Variants in COL4A3 observed in about 807,000 individuals in gnomAD.
The protein encoded by COL4A3 is collagen type IV alpha 3 chain, also known as collagen alpha-3(IV) chain.
COL4A3 carries 135 observed loss-of-function variants against 217.4 expected under a neutral mutation model. That is an observed-to-expected ratio of 0.62 (90% CI 0.54 to 0.72). The LOEUF (loss-of-function observed/expected upper bound fraction) is 0.72. Among genes scored for constraint, COL4A3 ranks in the 30% least tolerant of loss-of-function variants. COL4A3 has a pLI of 0.00. For synonymous variants in COL4A3, 690 were observed against 736.3 expected, an observed-to-expected ratio of 0.94 and a Z score of 1.02; for missense variants, 1,868 against 2,119.9, an observed-to-expected ratio of 0.88 and a Z score of 2.33.
At position 227,275,869 on chromosome 2, in the gene COL4A3, T is replaced by C. The variant is rs146058308; in HGVS notation, c.1928-516T>C. 7.9e-5 allele frequency among the ~76,000 whole-genome samples: 12 copies of C among 152,258 alleles called. No homozygotes were observed. The East Asian group carries it at 2.3e-3, about 29-fold the overall frequency. On this transcript the variant is annotated intron_variant, in intron 26 of 51. Transcript: ENST00000396578. ...AGTATTCACCAACGTTTAAACTTAATTCCATATTATCAATTTTTTGGAATA... is the reference window on the plus strand; with the variant it reads ...AGTATTCACCAACGTTTAAACTTAACTCCATATTATCAATTTTTTGGAATA...
chr2:227,174,642 G>A (rs1173847285), intron 1 of COL4A3, among the ~76,000 whole-genome samples: 1 of 152,028 alleles, frequency 6.6e-6, no homozygotes, highest in African/African-American at 2.4e-5. Context: ...GAGTAGCTGG[G>A]ATTACAGGCA....
chr2:227,175,045 T>C (rs1200435236), intron 1 of COL4A3, among the ~76,000 whole-genome samples: 2 of 151,920 alleles, frequency 1.3e-5, no homozygotes, highest in Non-Finnish European at 2.9e-5. Flanking sequence ...TTGGTAGAGG[T>C]GGTCAGGGAA....
chr2:227,295,713 T>C (rs1362682113), intron 41 of COL4A3, among the ~76,000 whole-genome samples: 1 of 152,194 alleles, frequency 6.6e-6, no homozygotes, highest in Non-Finnish European at 1.5e-5. Context: ...CACCTGTATC[T>C]TCATAGGTCT....
chr2:227,230,260 A>T (rs1490364132), intron 1 of COL4A3, among the ~76,000 whole-genome samples: 1 of 152,198 alleles, frequency 6.6e-6, no homozygotes, highest in Non-Finnish European at 1.5e-5. Flanking sequence ...CAACTGTGAA[A>T]AAGAATGATT....
In COL4A3 at chr2:227,277,518, C is replaced by T; in HGVS notation, c.2090C>T (p.Pro697Leu). 6.2e-7 allele frequency: 1 copy of T among 1,612,470 alleles called. No homozygotes were observed. The highest frequency in any genetic ancestry group is 8.5e-7 in the Non-Finnish European group (1 of 1,179,488). Residue 697 changes from proline to leucine, a missense_variant, in exon 28 of 52, where the codon CCA becomes CTA. Physicochemically the swap from Pro to Leu is moderately conservative, Grantham distance 98. Transcript: ENST00000396578. ...LPGPDGEPGI[P>L]GIGFPGPPGP... ...GGGCCTGATGGTGAACCAGGAATTCCAGGAATTGGATTTCCTGGGCCTCCT... is the reference window on the plus strand; with the variant it reads ...GGGCCTGATGGTGAACCAGGAATTCTAGGAATTGGATTTCCTGGGCCTCCT...
In COL4A3 at chr2:227,314,382, G is replaced by A. The variant is rs1184830276; in HGVS notation, c.*2512G>A. 6.6e-6 allele frequency: 1 copy of A among 152,624 alleles called. No homozygotes were observed. The highest frequency in any genetic ancestry group is 1.5e-5 in the Non-Finnish European group (1 of 68,044). 9.5% of individuals were successfully genotyped at this position (152,624 alleles called of 1,614,324 possible). On this transcript the variant is annotated 3_prime_UTR_variant, in exon 52 of 52. Transcript: ENST00000396578. ...TTCCAGATAACTTAGCTTATGAGTA[G>A]CTTATACAATTATGAAGATTTAATA...
intron 29 of COL4A3, 83 bp from the exon 30 acceptor site, chr2:227,280,344 CTGTGCAACAGGGA>C: frequency 7.4e-7 from 1 of 1,356,846 alleles, no homozygotes; most frequent in Non-Finnish European, 1.1e-6. Context: ...ATGGTAGTGG[CTGTGCAACAGGGA>C]CTTAGAGCCT....
intron 29 of COL4A3, among the ~76,000 whole-genome samples, 192 bp downstream of exon 29, chr2:227,280,082 G>T (rs929753650): frequency 6.6e-6 from 1 of 152,212 alleles, no homozygotes; most frequent in African/African-American, 2.4e-5. Flanking sequence ...TAAGGTGTCA[G>T]AATGCAGATT....
chr2:227,290,630 C>G (rs571765263), intron 36 of COL4A3, 117 bp from the exon 37 acceptor site: 19 of 814,310 alleles, frequency 2.3e-5, no homozygotes, highest in Admixed American at 6.9e-5. Context: ...CTACCTGATG[C>G]AGTTGCAATT....
intron 31 of COL4A3, 109 bp downstream of exon 31, chr2:227,281,115 C>A: frequency 1.3e-6 from 1 of 758,302 alleles, no homozygotes; most frequent in Non-Finnish European, 2.4e-6. Flanking sequence ...GTCCTGACCA[C>A]TGTTCAATGA....
At chr2:227,197,789 A>G (rs535892810) in intron 1 of COL4A3, among the ~76,000 whole-genome samples, 3 of 152,328 alleles carry the variant, frequency 2.0e-5, no homozygotes, top group East Asian at 1.9e-4. Context: ...TGTGCCAGGC[A>G]TGGTGGTGAG....
chr2:227,293,484 C>T lies in COL4A3; in HGVS notation c.3337+167C>T, dbSNP rs1469351315. The stretch of plus-strand genomic sequence containing the variant: ...ACACTAAGAGAATTCATTAAGAGAG[C>T]CCAATTTTACTAATCAGCCCATTTG... On this transcript the variant is annotated intron_variant, in intron 38 of 51. Transcript: ENST00000396578. Among the ~76,000 whole-genome samples the T allele has an allele frequency of 2.0e-5, 3 of 152,154 alleles. No individual in the cohort carries two copies. The East Asian group carries it at 5.8e-4, about 29-fold the overall frequency.
intron 3 of COL4A3, among the ~76,000 whole-genome samples, chr2:227,241,530 C>G (rs1437930764): frequency 6.6e-6 from 1 of 151,906 alleles, no homozygotes; most frequent in Non-Finnish European, 1.5e-5. Context: ...AAAAATTAGC[C>G]AGGTGTGGTG....
intron 25 of COL4A3, among the ~76,000 whole-genome samples, chr2:227,271,172 C>T (rs2071211319): frequency 6.6e-6 from 1 of 152,120 alleles, no homozygotes; most frequent in Non-Finnish European, 1.5e-5. Context: ...AATCAAAATT[C>T]TACATTGATA....
intron 2 of COL4A3, 75 bp from the exon 3 acceptor site, chr2:227,240,068 A>G: frequency 2.5e-6 from 3 of 1,198,548 alleles, no homozygotes; most frequent in Non-Finnish European, 3.6e-6. Flanking sequence ...ACAAGAGAAC[A>G]TAATGGTTAT....
chr2:227,167,560 T>C (rs570017153), intron 1 of COL4A3, among the ~76,000 whole-genome samples: 1 of 152,366 alleles, frequency 6.6e-6, no homozygotes, highest in East Asian at 1.9e-4. Flanking sequence ...TATCATGGTT[T>C]ATCCTTCTTC....
chr2:227,262,854 A>C (rs1012890039), intron 20 of COL4A3, among the ~76,000 whole-genome samples: 2 of 152,204 alleles, frequency 1.3e-5, no homozygotes, highest in Admixed American at 6.5e-5. Flanking sequence ...TAGAAGGAAT[A>C]AATTCTAATG....
At chr2:227,245,630 C>A in intron 5 of COL4A3, 1 of 410,628 alleles carries the variant, frequency 2.4e-6, no homozygotes, top group South Asian at 2.3e-5. Flanking sequence ...AAAATAGTTT[C>A]ATCTGTGCAC....
intron 1 of COL4A3, among the ~76,000 whole-genome samples, chr2:227,199,831 A>AAAAC (rs574104020): frequency 2.1e-4 from 31 of 148,124 alleles, no homozygotes; most frequent in African/African-American, 6.7e-4. Context: ...TAAAAATGTA[A>AAAAC]AAACAAACAA....
Sources: allele counts gnomAD v4.1 joint callset (sites outside exome capture counted in the v4.1 genomes callset), GRCh38; gene constraint gnomAD v4.1.1; transcripts MANE v1.5; gene names NCBI Gene and HGNC (gene_info 2026-07-23, HGNC 2026-07-21).